Variants in PCDHGA9 observed in about 807,000 individuals in gnomAD.
PCDHGA9 encodes protocadherin gamma-A9.
A neutral mutation model predicts 62.5 loss-of-function variants in PCDHGA9; 37 were observed. The observed-to-expected ratio is 0.59, with a 90% CI of 0.46 to 0.78. PCDHGA9 has a LOEUF of 0.78. Among genes scored for constraint, PCDHGA9 ranks in the 30% least tolerant of loss-of-function variants. The pLI is 0.00. For synonymous variants in PCDHGA9, 459 were observed against 484.6 expected (o/e 0.95, Z 0.69); for missense variants, 1,138 against 1,166.2 (o/e 0.98, Z 0.35).
At chr5:141,437,426 C>G (rs531265278) in intron 1 of PCDHGA9, among the ~76,000 whole-genome samples, 2 of 152,150 alleles carry the variant, frequency 1.3e-5, no homozygotes, top group Non-Finnish European at 2.9e-5. Context: ...CTTTTTGAAG[C>G]AGCAATAGCA....
At chr5:141,460,177 T>C (rs1021646181) in intron 1 of PCDHGA9, among the ~76,000 whole-genome samples, 13 of 152,138 alleles carry the variant, frequency 8.5e-5, no homozygotes, top group African/African-American at 3.1e-4. Context: ...TTGTGGATAT[T>C]TTATCCCAGA....
In PCDHGA9 at chr5:141,490,654, C is replaced by A; in HGVS notation, c.2425-4153C>A. On this transcript the variant is annotated intron_variant, in intron 1 of 3. Transcript: ENST00000573521. The surrounding 1 kb of genome is among the most constrained non-coding windows in gnomAD (Gnocchi z 5.4). ...CCTAGAAAACCGGCCTCCGGGCTCC[C>A]TTCTTTGCACTGTGGCTGCCTCAGA... 6.2e-7 allele frequency: 1 copy of A among 1,614,206 alleles called. No individual in the cohort carries two copies. Among genetic ancestry groups the A allele is most frequent in the Non-Finnish European group, 8.5e-7 (1 of 1,180,014 alleles).
intron 1 of PCDHGA9, chr5:141,414,517 G>A: frequency 6.2e-7 from 1 of 1,613,964 alleles, no homozygotes; most frequent in Non-Finnish European, 8.5e-7. Context: ...ACAAGTGGCA[G>A]ATATCAATGA....
At chr5:141,420,301 C>CT (rs768732518) in intron 1 of PCDHGA9, 1 of 1,462,190 alleles carries the variant, frequency 6.8e-7, no homozygotes, top group African/African-American at 1.4e-5. Flanking sequence ...GTATTTAATC[C>CT]TTTTTATATT....
chr5:141,471,730 G>A (rs535784858), intron 1 of PCDHGA9, among the ~76,000 whole-genome samples: 1 of 152,292 alleles, frequency 6.6e-6, no homozygotes, highest in East Asian at 1.9e-4. Context: ...GGTAAGGAAG[G>A]TTGGAGACAT....
chr5:141,476,733 G>C lies in PCDHGA9; in HGVS notation c.2425-18074G>C, dbSNP rs373439335. On this transcript the variant is annotated intron_variant, in intron 1 of 3. Transcript: ENST00000573521. This position sits in a 1 kb window ranked among gnomAD's most constrained non-coding sequence, Gnocchi z 7.6. ...TTGGAGCGCGCCCTGGACCGAGAAC[G>C]GGAGCCTAGTCTCCAGTTAGTGCTG... 6.2e-6 allele frequency: 10 copies of C among 1,614,062 alleles called. No individual in the cohort carries two copies. The highest frequency in any genetic ancestry group is 2.2e-5 in the East Asian group (1 of 44,870).
Position 141,477,686 on chromosome 5 carries a change from C to T in PCDHGA9, c.2425-17121C>T, listed in dbSNP as rs201090822. Reference sequence around the variant, plus strand: ...CAATGGCATAGTGTCATCCTTAGTGCCCCTAGACTATGAGGATCGGCGGGA... The same window carrying T: ...CAATGGCATAGTGTCATCCTTAGTGTCCCTAGACTATGAGGATCGGCGGGA... On this transcript the variant is annotated intron_variant, in intron 1 of 3. Coordinates refer to ENST00000573521, the MANE Select transcript of PCDHGA9 (RefSeq NM_018921.3). This position sits in a 1 kb window ranked among gnomAD's most constrained non-coding sequence, Gnocchi z 4.9. The T allele has an allele frequency of 4.3e-6, 7 of 1,614,024 alleles. No homozygotes were observed. The highest frequency in any genetic ancestry group is 1.6e-4 in the Middle Eastern group (1 of 6,084).
Position 141,462,070 on chromosome 5 carries a change from G to A in PCDHGA9, c.2425-32737G>A, listed in dbSNP as rs572217894. Among the ~76,000 whole-genome samples the A allele has an allele frequency of 2.6e-5, 4 of 152,196 alleles. No homozygotes were observed. In the East Asian group the frequency reaches 7.7e-4, roughly 29 times the overall value. Reference sequence around the variant, plus strand: ...ACTCCCGACCTCAGGTGATCTGCCCGCCTTGGCCTCCCAAAATGCTGGGAT... The same window carrying A: ...ACTCCCGACCTCAGGTGATCTGCCCACCTTGGCCTCCCAAAATGCTGGGAT... On this transcript the variant is annotated intron_variant, in intron 1 of 3. Transcript: ENST00000573521.
rs534845593 is a variant in PCDHGA9, at chr5:141,478,216, G to A, written c.2425-16591G>A. On this transcript the variant is annotated intron_variant, in intron 1 of 3. Coordinates refer to ENST00000573521, the MANE Select transcript of PCDHGA9 (RefSeq NM_018921.3). ...TTTATCTACTTCTTTCTCTAATCCTGGTTTCTGTGGGGTTTGTGGTCACAG... is the reference window on the plus strand; with the variant it reads ...TTTATCTACTTCTTTCTCTAATCCTAGTTTCTGTGGGGTTTGTGGTCACAG... 414 of 1,614,090 alleles carry A rather than the reference G, an allele frequency of 2.6e-4. 9 individuals carry two copies. In the South Asian group the frequency reaches 4.4e-3, roughly 17 times the overall value.
At chr5:141,461,430 A>G (rs1239117668) in intron 1 of PCDHGA9, among the ~76,000 whole-genome samples, 2 of 151,992 alleles carry the variant, frequency 1.3e-5, no homozygotes, top group African/African-American at 4.8e-5. Context: ...GGCCATTTGT[A>G]TACCTTCTTT....
intron 1 of PCDHGA9, chr5:141,411,017 A>C (rs140607036): frequency 6.2e-6 from 1 of 162,372 alleles, no homozygotes; most frequent in Non-Finnish European, 1.3e-5. Context: ...CCACAGCTAA[A>C]TTTTTTGTAT....
chr5:141,433,987 T>C (rs1332689630), intron 1 of PCDHGA9, among the ~76,000 whole-genome samples: 1 of 152,252 alleles, frequency 6.6e-6, no homozygotes, highest in Non-Finnish European at 1.5e-5. Context: ...GAAGAAGAGT[T>C]TTATATTCTC....
At chr5:141,409,185 C>A in intron 1 of PCDHGA9, 1 of 1,614,024 alleles carries the variant, frequency 6.2e-7, no homozygotes, top group Non-Finnish European at 8.5e-7. Flanking sequence ...GGTGGTCTCT[C>A]TACCCAGTGT....
chr5:141,441,370 C>A (rs1378574921), intron 1 of PCDHGA9: 1 of 152,672 alleles, frequency 6.5e-6, no homozygotes, highest in African/African-American at 2.4e-5. Flanking sequence ...GGGCCGTGGA[C>A]CAGGAACAGA....
intron 3 of PCDHGA9, among the ~76,000 whole-genome samples, chr5:141,509,732 C>T (rs931066969): frequency 3.9e-5 from 6 of 152,182 alleles, no homozygotes; most frequent in Non-Finnish European, 5.9e-5. Flanking sequence ...CTAGCTGTGG[C>T]ACTCTGAGCC....
intron 1 of PCDHGA9, chr5:141,423,316 G>C (rs1424301976): frequency 1.2e-6 from 2 of 1,614,044 alleles, no homozygotes; most frequent in Non-Finnish European, 1.7e-6. Context: ...CTTGGTGGTG[G>C]CGGTGGCCGC....
Position 141,402,915 on chromosome 5 carries a change from CAG to C in PCDHGA9, c.-34_-33del. The C allele has an allele frequency of 6.4e-7, 1 of 1,564,688 alleles. No individual in the cohort carries two copies. Among genetic ancestry groups the C allele is most frequent in the Non-Finnish European group, 8.7e-7 (1 of 1,155,394 alleles). On this transcript the variant is annotated 5_prime_UTR_variant, in exon 1 of 4. The change abolishes the stop of an existing upstream ORF in the 5' untranslated region. Coordinates refer to ENST00000573521, the MANE Select transcript of PCDHGA9 (RefSeq NM_018921.3). ...AAAGAACCTGATGAAGCAGCGCGCACAGAGATCCTTTTGAGAAAATTCCAAAG... is the reference window on the plus strand; with the variant it reads ...AAAGAACCTGATGAAGCAGCGCGCACAGATCCTTTTGAGAAAATTCCAAAG...
At chr5:141,465,032 A>C (rs2154568703) in intron 1 of PCDHGA9, among the ~76,000 whole-genome samples, 1 of 151,870 alleles carries the variant, frequency 6.6e-6, no homozygotes, top group Admixed American at 6.6e-5. Context: ...ATGAACCACC[A>C]CAAATGACCC....
intron 1 of PCDHGA9, chr5:141,427,984 C>T (rs754620535): frequency 1.9e-6 from 3 of 1,597,494 alleles, no homozygotes; most frequent in South Asian, 1.1e-5. Context: ...GCGCTGGGGC[C>T]CGATGGCTCC....
Sources: allele counts gnomAD v4.1 joint callset (sites outside exome capture counted in the v4.1 genomes callset), GRCh38; gene constraint gnomAD v4.1.1; non-coding constraint Gnocchi (gnomAD v3.1); transcripts MANE v1.5; gene names NCBI Gene and HGNC (gene_info 2026-07-23, HGNC 2026-07-21).